TENT4A: variants seen among roughly 807,000 people sequenced by gnomAD.
TENT4A encodes terminal nucleotidyltransferase 4A.
Under a neutral mutation model 72.8 loss-of-function variants are expected in TENT4A, and 7 were observed. The observed-to-expected ratio is 0.10, with a 90% CI of 0.05 to 0.18. TENT4A has a LOEUF of 0.18. Ranked by LOEUF, TENT4A falls within the 10% of genes least tolerant of loss-of-function variation. The pLI, the probability that TENT4A is intolerant of heterozygous loss-of-function variation, is 1.00. For synonymous variants in TENT4A, 456 were observed against 434.3 expected (o/e 1.05, Z -0.62); for missense variants, 831 against 1,017.7 (o/e 0.82, Z 2.50).
At chr5:6,731,298 T>TA (rs1249326445) in intron 1 of TENT4A, among the ~76,000 whole-genome samples, 1 of 152,214 alleles carries the variant, frequency 6.6e-6, no homozygotes, top group Non-Finnish European at 1.5e-5. Flanking sequence ...TGTCGCATTT[T>TA]ACGTTGTAAT....
chr5:6,714,987 C>T (rs1022677101), intron 1 of TENT4A: 6 of 196,334 alleles, frequency 3.1e-5, no homozygotes, highest in African/African-American at 1.2e-4. Context: ...GAAATCGACT[C>T]TCTACCCCTC....
intron 6 of TENT4A, among the ~76,000 whole-genome samples, chr5:6,744,601 A>G (rs960555414): frequency 2.6e-5 from 4 of 152,208 alleles, no homozygotes; most frequent in Non-Finnish European, 4.4e-5. Context: ...TCTCACTGTC[A>G]TGAATGCTAT....
chr5:6,730,494 C>G (rs1025613165), intron 1 of TENT4A, among the ~76,000 whole-genome samples: 3 of 152,216 alleles, frequency 2.0e-5, no homozygotes, highest in Non-Finnish European at 4.4e-5. Flanking sequence ...GGAGTGCGCC[C>G]TCCTCCTCTG....
At chr5:6,726,972 C>T (rs274705) in intron 1 of TENT4A, among the ~76,000 whole-genome samples, 16,228 of 152,146 alleles carry the variant, frequency 0.11, 1,196 homozygotes, top group East Asian at 0.29. Context: ...CCCAGCCTCC[C>T]AGAGACCTTA....
At chr5:6,749,745 C>T (rs1264248583) in intron 9 of TENT4A, 88 bp downstream of exon 9, 2 of 855,936 alleles carry the variant, frequency 2.3e-6, no homozygotes, top group Non-Finnish European at 3.9e-6. Context: ...GTAAATTGGT[C>T]AAATTAAGAA....
At chr5:6,753,158 G>A in intron 12 of TENT4A, 121 bp downstream of exon 12, 1 of 1,011,536 alleles carries the variant, frequency 9.9e-7, no homozygotes, top group South Asian at 2.1e-5. Context: ...AATTTGCTTT[G>A]TTGTCATTCA....
intron 1 of TENT4A, among the ~76,000 whole-genome samples, chr5:6,724,474 A>G (rs1300728282): frequency 6.6e-6 from 1 of 152,178 alleles, no homozygotes; most frequent in Non-Finnish European, 1.5e-5. Flanking sequence ...GAAGAAAGCA[A>G]AAGGTGAATC....
chr5:6,743,452 C>T (rs1361047889), intron 5 of TENT4A, among the ~76,000 whole-genome samples: 1 of 152,158 alleles, frequency 6.6e-6, no homozygotes, highest in Non-Finnish European at 1.5e-5. Flanking sequence ...TCCTTTGTGC[C>T]TGTGGACTCG....
At chr5:6,735,892 C>T (rs956433060) in intron 1 of TENT4A, among the ~76,000 whole-genome samples, 1 of 151,914 alleles carries the variant, frequency 6.6e-6, no homozygotes, top group Non-Finnish European at 1.5e-5. Context: ...TTCTGAGTAG[C>T]TGGGACTACA....
chr5:6,721,085 C>G (rs1233059410), intron 1 of TENT4A, among the ~76,000 whole-genome samples: 1 of 152,188 alleles, frequency 6.6e-6, no homozygotes, highest in Non-Finnish European at 1.5e-5. Flanking sequence ...GGAGTTGCTG[C>G]TATTACTAAG....
chr5:6,718,903 A>C (rs1041751330), intron 1 of TENT4A, among the ~76,000 whole-genome samples: 2 of 151,936 alleles, frequency 1.3e-5, no homozygotes, highest in African/African-American at 4.8e-5. Context: ...GGCATGACAG[A>C]CTCTGGAAAA....
intron 7 of TENT4A, among the ~76,000 whole-genome samples, chr5:6,747,031 G>A (rs1327045331): frequency 6.6e-6 from 1 of 152,220 alleles, no homozygotes; most frequent in Non-Finnish European, 1.5e-5. Flanking sequence ...TTTGGTGACA[G>A]TCTTTTAAAA....
intron 1 of TENT4A, among the ~76,000 whole-genome samples, chr5:6,726,543 C>T (rs1740933446): frequency 6.6e-6 from 1 of 152,172 alleles, no homozygotes; most frequent in South Asian, 2.1e-4. Context: ...ATCCACTGTC[C>T]TCTACCGCGT....
chr5:6,739,027 TCTG>T (rs1256830140), intron 3 of TENT4A, among the ~76,000 whole-genome samples: 1 of 152,216 alleles, frequency 6.6e-6, no homozygotes, highest in Non-Finnish European at 1.5e-5. Flanking sequence ...TAGAAGACAT[TCTG>T]CTGATATTTT....
chr5:6,730,752 A>AT (rs1377607400), intron 1 of TENT4A, among the ~76,000 whole-genome samples: 6 of 109,940 alleles, frequency 5.5e-5, no homozygotes, highest in Non-Finnish European at 1.0e-4. Flanking sequence ...TCGAGCCTTA[A>AT]TTTAAAAAAA....
At chr5:6,720,948 G>A (rs759721681) in intron 1 of TENT4A, among the ~76,000 whole-genome samples, 7 of 152,130 alleles carry the variant, frequency 4.6e-5, no homozygotes, top group South Asian at 2.1e-4. Flanking sequence ...GCCCAGGTTC[G>A]TAGCAATGTT....
Position 6,742,614 on chromosome 5 carries a change from C to T in TENT4A, c.1116+17C>T. 6.7e-7 allele frequency: 1 copy of T among 1,493,270 alleles called. No homozygotes were observed. Among genetic ancestry groups the T allele is most frequent in the East Asian group, 2.3e-5 (1 of 44,328 alleles). The allele number at this position is 1,493,270 out of a possible 1,614,324, so 92.5% of individuals were successfully genotyped here. A position where few individuals can be genotyped will look rare whatever the true frequency, so the allele number is the denominator to read the frequency against. ...TACATGAAGGTACTGTGCTTGGTGA[C>T]CCAGCGCGGCGAGAGTGCAGGACTG... On this transcript the variant is annotated intron_variant, in intron 5 of 12. Transcript: ENST00000230859.
chr5:6,717,655 C>G (rs1163283643), intron 1 of TENT4A, among the ~76,000 whole-genome samples: 7 of 152,252 alleles, frequency 4.6e-5, no homozygotes. Context: ...ATTGAAATCT[C>G]AAGCCTTTGT....
At chr5:6,740,872 C>T (rs1395027032) in intron 4 of TENT4A, among the ~76,000 whole-genome samples, 1 of 152,222 alleles carries the variant, frequency 6.6e-6, no homozygotes, top group Non-Finnish European at 1.5e-5. Flanking sequence ...GCACTTAGCT[C>T]TCCCAGCCAC....
Sources: allele counts gnomAD v4.1 joint callset (sites outside exome capture counted in the v4.1 genomes callset), GRCh38; gene constraint gnomAD v4.1.1; transcripts MANE v1.5; gene names NCBI Gene and HGNC (gene_info 2026-07-23, HGNC 2026-07-21).